Variants in CPXM2 observed in about 807,000 individuals in gnomAD.
CPXM2 encodes the protein carboxypeptidase X, M14 family member 2, also known as inactive carboxypeptidase-like protein X2.
In CPXM2, 66 loss-of-function variants were observed where a neutral mutation model predicts 86.1. That is an observed-to-expected ratio of 0.77 (90% confidence interval 0.63 to 0.94). The LOEUF (loss-of-function observed/expected upper bound fraction) is 0.94. Among genes scored for constraint, CPXM2 ranks in the 40% least tolerant of loss-of-function variants. CPXM2 has a pLI of 0.00. For synonymous variants in CPXM2, 388 were observed against 400.2 expected (o/e 0.97, Z 0.36); for missense variants, 948 against 1,026.3 (o/e 0.92, Z 1.04).
intron 6 of CPXM2, among the ~76,000 whole-genome samples, 169 bp downstream of exon 6, chr10:123,797,807 T>C (rs1847365866): frequency 6.6e-6 from 1 of 152,158 alleles, no homozygotes; most frequent in African/African-American, 2.4e-5. Context: ...TGGTCTTGGA[T>C]TTCCAGACTC....
At chr10:123,857,647 TGGAGATGGAAGGCGGC>T (rs1564800695) in intron 3 of CPXM2, among the ~76,000 whole-genome samples, 1 of 107,910 alleles carries the variant, frequency 9.3e-6, no homozygotes, top group African/African-American at 4.5e-5. Context: ...GAAGGCGGCG[TGGAGATGGAAGGCGGC>T]GTGGAGATGG....
At chr10:123,853,827 C>A (rs1403858157) in intron 3 of CPXM2, among the ~76,000 whole-genome samples, 1 of 152,076 alleles carries the variant, frequency 6.6e-6, no homozygotes, top group Non-Finnish European at 1.5e-5. Context: ...ATCACTTGAA[C>A]CCGGGAGGTG....
chr10:123,773,541 C>G (rs991555868), intron 7 of CPXM2, among the ~76,000 whole-genome samples: 3 of 152,204 alleles, frequency 2.0e-5, no homozygotes, highest in African/African-American at 7.2e-5. Flanking sequence ...TATGCCTGAC[C>G]AAATACATGT....
At chr10:123,759,638 C>G (rs1456770911) in intron 11 of CPXM2, among the ~76,000 whole-genome samples, 1 of 152,222 alleles carries the variant, frequency 6.6e-6, no homozygotes, top group Non-Finnish European at 1.5e-5. Context: ...GCCTTCGGCC[C>G]TAGCTGGGGT....
chr10:123,887,819 G>A (rs1436806260), intron 1 of CPXM2, among the ~76,000 whole-genome samples: 1 of 152,154 alleles, frequency 6.6e-6, no homozygotes, highest in Non-Finnish European at 1.5e-5. Flanking sequence ...GGGGGGAGCT[G>A]ACAAAGCGTA....
chr10:123,934,050 G>A (rs543735772), intron 2 of CPXM2, among the ~76,000 whole-genome samples: 3 of 152,266 alleles, frequency 2.0e-5, no homozygotes, highest in Admixed American at 6.5e-5. Flanking sequence ...TGGAGCCGGG[G>A]TAAGTCCTCT....
At chr10:123,856,115 C>T (rs549770619) in intron 3 of CPXM2, among the ~76,000 whole-genome samples, 18 of 152,204 alleles carry the variant, frequency 1.2e-4, no homozygotes, top group Non-Finnish European at 2.5e-4. Context: ...AAGCTCTGAT[C>T]TAAGCACCAA....
At chr10:123,910,361 AT>A (rs1945478543) in intron 2 of CPXM2, among the ~76,000 whole-genome samples, 1 of 152,122 alleles carries the variant, frequency 6.6e-6, no homozygotes, top group South Asian at 2.1e-4. Flanking sequence ...GGCCAAGATC[AT>A]GACCTCCACC....
chr10:123,761,836 C>A (rs766138240), intron 11 of CPXM2, 36 bp downstream of exon 11: 1 of 1,594,186 alleles, frequency 6.3e-7, no homozygotes, highest in Non-Finnish European at 8.5e-7. Flanking sequence ...CGTCCTCCTG[C>A]GCCCGCAGCC....
Position 123,754,994 on chromosome 10 carries a change from A to C in CPXM2, c.1918-232T>G, listed in dbSNP as rs1846171338. Reference sequence around the variant, plus strand: ...GTAAGAAAAGTGAACTTATTTCTGAAGCTAGCATTAGGGAAGCATCCTGCT... The same window carrying C: ...GTAAGAAAAGTGAACTTATTTCTGACGCTAGCATTAGGGAAGCATCCTGCT... On this transcript the variant is annotated intron_variant, in intron 12 of 13. Transcript: ENST00000241305. This position sits in a 1 kb window ranked among gnomAD's most constrained non-coding sequence, Gnocchi z 4.0. 6.6e-6 allele frequency among the ~76,000 whole-genome samples: 1 copy of C among 152,224 alleles called. No homozygotes were observed. Among genetic ancestry groups the C allele is most frequent in the African/African-American group, 2.4e-5 (1 of 41,458 alleles).
chr10:123,771,113 C>A, intron 7 of CPXM2, 74 bp from the exon 8 acceptor site: 2 of 1,437,702 alleles, frequency 1.4e-6, no homozygotes, highest in Non-Finnish European at 1.9e-6. Flanking sequence ...CCCAAGAAAA[C>A]GGACACCTCT....
At chr10:123,813,040 T>G (rs950141636) in intron 4 of CPXM2, among the ~76,000 whole-genome samples, 1 of 152,250 alleles carries the variant, frequency 6.6e-6, no homozygotes, top group Non-Finnish European at 1.5e-5. Flanking sequence ...ATATATTTAT[T>G]TGAATGTTGT....
In CPXM2 at chr10:123,847,383, G is replaced by A. The variant is rs547026123; in HGVS notation, c.514-4895C>T. Among the ~76,000 whole-genome samples, 9 of 152,220 alleles carry A rather than the reference G, an allele frequency of 5.9e-5. No individual in the cohort carries two copies. The South Asian group carries it at 8.3e-4, about 14-fold the overall frequency. ...CTACCAAAAATATAGAACATTTGCC[G>A]AGTGTGGTGGTACAGGCCTGTAATC... On this transcript the variant is annotated intron_variant, in intron 3 of 13. Transcript: ENST00000241305.
At chr10:123,941,523 T>G (rs1945776873), upstream of CPXM2, among the ~76,000 whole-genome samples, 1 of 152,268 alleles carries the variant, frequency 6.6e-6, no homozygotes, top group Non-Finnish European at 1.5e-5. Flanking sequence ...TTACATCTGT[T>G]GTAACCTTAT....
chr10:123,851,756 G>A (rs1016513209), intron 3 of CPXM2, among the ~76,000 whole-genome samples: 1 of 138,366 alleles, frequency 7.2e-6, no homozygotes, highest in Non-Finnish European at 1.5e-5. Context: ...GTGACAGAAC[G>A]AGACATCATC....
rs1288299116 is a variant in CPXM2 at position 123,891,368 on chromosome 10, G to T, written c.292C>A (p.Pro98Thr). 2 of 1,552,450 alleles carry T rather than the reference G, an allele frequency of 1.3e-6. No homozygotes were observed. The highest frequency in any genetic ancestry group is 1.4e-5 in the African/African-American group (1 of 71,802). Residue 98 changes from proline to threonine, a missense_variant, in exon 1 of 14, where the codon CCG becomes ACG. Coordinates refer to ENST00000241305, the MANE Select transcript of CPXM2 (RefSeq NM_198148.3). This position sits in a 1 kb window ranked among gnomAD's most constrained non-coding sequence, Gnocchi z 5.6. Reference protein sequence around the residue: ...APKREKSAPEPPPPGKHSNKK... With the variant: ...APKREKSAPETPPPGKHSNKK... ...GAAAGTTCCTTACCTGGTGGAGGCG[G>T]CTCCGGAGCCGACTTCTCCCTCTTG...
intron 3 of CPXM2, among the ~76,000 whole-genome samples, chr10:123,859,559 G>A (rs903244049): frequency 3.3e-5 from 5 of 152,232 alleles, no homozygotes; most frequent in African/African-American, 1.2e-4. Flanking sequence ...CCAGGTACCC[G>A]AGTAGGGTCA....
At chr10:123,747,060 T>A (rs200795987) in intron 13 of CPXM2, 43 bp from the exon 14 acceptor site, 2 of 1,599,604 alleles carry the variant, frequency 1.3e-6, no homozygotes, top group Admixed American at 1.7e-5. Context: ...CAGCTCTTGC[T>A]AATGCAGATC....
chr10:123,833,570 T>C (rs1318200022), intron 4 of CPXM2, among the ~76,000 whole-genome samples: 3 of 152,146 alleles, frequency 2.0e-5, no homozygotes, highest in East Asian at 3.9e-4. Flanking sequence ...CTGCCATGTG[T>C]CCAGACCGCA....
Sources: allele counts gnomAD v4.1 joint callset (sites outside exome capture counted in the v4.1 genomes callset), GRCh38; gene constraint gnomAD v4.1.1; non-coding constraint Gnocchi (gnomAD v3.1); transcripts MANE v1.5; gene names NCBI Gene and HGNC (gene_info 2026-07-23, HGNC 2026-07-21).